Variants in ARHGAP28 observed in about 807,000 individuals in gnomAD.
ARHGAP28 encodes rho GTPase-activating protein 28.
In ARHGAP28, 56 loss-of-function variants were observed where a neutral mutation model predicts 90.7. The observed-to-expected ratio is 0.62, with a 90% CI of 0.50 to 0.77. The LOEUF is 0.77. Among genes scored for constraint, ARHGAP28 ranks in the 30% least tolerant of loss-of-function variants. The probability of loss-of-function intolerance (pLI) is 0.00; values close to 1 mark genes in which losing one functional copy is unlikely to be tolerated. For synonymous variants in ARHGAP28, 308 were observed against 323.3 expected, an observed-to-expected ratio of 0.95 and a Z score of 0.51; for missense variants, 869 against 900.9, an observed-to-expected ratio of 0.96 and a Z score of 0.45.
At chr18:6,732,231 T>G (rs2143104749) in intron 1 of ARHGAP28, among the ~76,000 whole-genome samples, 1 of 152,222 alleles carries the variant, frequency 6.6e-6, no homozygotes, top group South Asian at 2.1e-4. Context: ...ATTTGTTGAG[T>G]AAATTAATGA....
intron 1 of ARHGAP28, among the ~76,000 whole-genome samples, chr18:6,772,947 G>C (rs529573995): frequency 1.3e-5 from 2 of 152,044 alleles, no homozygotes; most frequent in South Asian, 4.1e-4. Flanking sequence ...CACCATGTTG[G>C]CCAGGCTGGT....
rs191537398 is a variant in ARHGAP28 at position 6,826,122 on chromosome 18, T to G, written c.325+1158T>G. Among the ~76,000 whole-genome samples the G allele has an allele frequency of 4.4e-4, 66 of 151,684 alleles. No individual in the cohort carries two copies. In the East Asian group the frequency reaches 0.012, roughly 28 times the overall value. On this transcript the variant is annotated intron_variant, in intron 2 of 17. Coordinates refer to ENST00000383472, the MANE Select transcript of ARHGAP28 (RefSeq NM_001366230.1). ...TTGTCTGCAGCATTGCCAGTGTTTT[T>G]TTTTTTTTTTCTGTTTGTTTTTTTG...
At chr18:6,736,647 T>G (rs2143142163) in intron 1 of ARHGAP28, among the ~76,000 whole-genome samples, 2 of 150,244 alleles carry the variant, frequency 1.3e-5, no homozygotes, top group Middle Eastern at 3.5e-3. Flanking sequence ...CTTGGGAGGC[T>G]GAGGCAGGAG....
intron 1 of ARHGAP28, among the ~76,000 whole-genome samples, chr18:6,817,332 CA>C (rs34524960): frequency 8.8e-5 from 13 of 147,870 alleles, no homozygotes; most frequent in South Asian, 2.2e-4. Context: ...AACAAACAAA[CA>C]AAAAAAAAAC....
At chr18:6,855,175 C>T (rs987663647) in intron 4 of ARHGAP28, among the ~76,000 whole-genome samples, 1 of 152,188 alleles carries the variant, frequency 6.6e-6, no homozygotes, top group African/African-American at 2.4e-5. Flanking sequence ...GGTGAAACCT[C>T]ACCTTCAAGC....
intron 3 of ARHGAP28, among the ~76,000 whole-genome samples, chr18:6,839,129 C>T (rs992319488): frequency 6.6e-6 from 1 of 152,042 alleles, no homozygotes; most frequent in Non-Finnish European, 1.5e-5. Flanking sequence ...GGGATAGACT[C>T]CACAACAACA....
chr18:6,859,770 T>C, intron 4 of ARHGAP28, 38 bp from the exon 5 acceptor site: 1 of 1,582,412 alleles, frequency 6.3e-7, no homozygotes, highest in Non-Finnish European at 8.7e-7. Flanking sequence ...AGAAAGTATT[T>C]GCCTGAATAA....
At position 6,889,936 on chromosome 18, in the gene ARHGAP28, C is replaced by T. The variant is rs1461455875; in HGVS notation, c.1585C>T (p.Arg529Ter). 3 of 1,614,038 alleles carry T rather than the reference C, an allele frequency of 1.9e-6. No homozygotes were observed. The highest frequency in any genetic ancestry group is 2.2e-5 in the East Asian group (1 of 44,892). ...NKVIANESKN[R>*]MSLWNISTVM... ...AGTGATTGCCAATGAATCAAAAAACCGAATGAGTCTGTGGAACATTTCTAC... is the reference window on the plus strand; with the variant it reads ...AGTGATTGCCAATGAATCAAAAAACTGAATGAGTCTGTGGAACATTTCTAC... The change falls in exon 13 of 18, where the codon CGA becomes TGA. Residue 529 changes from arginine to a stop codon, truncating the protein, a stop_gained. Coordinates refer to ENST00000383472, the MANE Select transcript of ARHGAP28 (RefSeq NM_001366230.1). LOFTEE classifies it high-confidence loss of function.
chr18:6,830,257 GCTACC>G (rs2056704693), intron 2 of ARHGAP28, among the ~76,000 whole-genome samples: 1 of 151,784 alleles, frequency 6.6e-6, no homozygotes, highest in African/African-American at 2.4e-5. Context: ...ACCGTACTGT[GCTACC>G]AAATTCTGGA....
intron 5 of ARHGAP28, among the ~76,000 whole-genome samples, chr18:6,861,455 A>G (rs2056997912): frequency 6.6e-6 from 1 of 152,180 alleles, no homozygotes; most frequent in Non-Finnish European, 1.5e-5. Context: ...TTTAAAATAC[A>G]AGTCTCGCTT....
chr18:6,812,751 ATTAT>A (rs1206010070), intron 1 of ARHGAP28, among the ~76,000 whole-genome samples: 1 of 152,202 alleles, frequency 6.6e-6, no homozygotes, highest in Non-Finnish European at 1.5e-5. Flanking sequence ...CCACTATCAA[ATTAT>A]TTATTTGATT....
At chr18:6,871,326 C>T (rs1271090961) in intron 7 of ARHGAP28, among the ~76,000 whole-genome samples, 2 of 152,176 alleles carry the variant, frequency 1.3e-5, no homozygotes, top group East Asian at 3.9e-4. Context: ...CTTTCTTGCA[C>T]TTTATATTCT....
chr18:6,894,959 C>A, intron 15 of ARHGAP28, 68 bp downstream of exon 15: 2 of 1,397,842 alleles, frequency 1.4e-6, no homozygotes, highest in Non-Finnish European at 2.0e-6. Context: ...ACATCCACCA[C>A]ATTTATGTAT....
chr18:6,883,274 T>G (rs538098482), intron 11 of ARHGAP28, among the ~76,000 whole-genome samples: 3 of 151,670 alleles, frequency 2.0e-5, no homozygotes, highest in South Asian at 4.2e-4. Flanking sequence ...AGTGTCGCAC[T>G]GTTGCCCAGG....
chr18:6,840,248 T>C (rs1183307089), intron 3 of ARHGAP28, among the ~76,000 whole-genome samples: 2 of 152,340 alleles, frequency 1.3e-5, no homozygotes, highest in East Asian at 1.9e-4. Context: ...GAGAGGGTCC[T>C]AAAATCTTTG....
intron 1 of ARHGAP28, among the ~76,000 whole-genome samples, chr18:6,747,251 A>G (rs544817007): frequency 6.6e-6 from 1 of 152,206 alleles, no homozygotes; most frequent in African/African-American, 2.4e-5. Flanking sequence ...GGTTTGCTTC[A>G]TGGAGGACAT....
chr18:6,861,392 A>G (rs2056997321), intron 5 of ARHGAP28, among the ~76,000 whole-genome samples: 1 of 152,136 alleles, frequency 6.6e-6, no homozygotes, highest in Admixed American at 6.5e-5. Flanking sequence ...TGATCTCCAG[A>G]CTTTAGCTTT....
intron 1 of ARHGAP28, among the ~76,000 whole-genome samples, chr18:6,744,330 T>C (rs908450682): frequency 6.6e-6 from 1 of 152,104 alleles, no homozygotes; most frequent in African/African-American, 2.4e-5. Context: ...TAATGTGCAC[T>C]TTGAGTAAAA....
chr18:6,809,220 A>C (rs990145514), intron 1 of ARHGAP28, among the ~76,000 whole-genome samples: 5 of 152,020 alleles, frequency 3.3e-5, no homozygotes, highest in African/African-American at 1.2e-4. Context: ...TGCCTCCTCT[A>C]TTTGTCCAGT....
Sources: allele counts gnomAD v4.1 joint callset (sites outside exome capture counted in the v4.1 genomes callset), GRCh38; gene constraint gnomAD v4.1.1; transcripts MANE v1.5; gene names NCBI Gene and HGNC (gene_info 2026-07-23, HGNC 2026-07-21).